PCDHA10: variants seen among roughly 807,000 people sequenced by gnomAD.
PCDHA10 encodes the protein protocadherin alpha-10.
A neutral mutation model predicts 61.2 loss-of-function variants in PCDHA10; 45 were observed. The ratio of observed to expected loss-of-function variants is 0.74; its 90% CI spans 0.58 to 0.94. PCDHA10 has a LOEUF of 0.94. Ranked by LOEUF, PCDHA10 falls within the 40% of genes least tolerant of loss-of-function variation. PCDHA10 has a pLI of 0.00. For missense variants in PCDHA10, 1,278 were observed against 1,236.2 expected, an observed-to-expected ratio of 1.03 and a Z score of -0.51; for synonymous variants, 602 against 548.8, an observed-to-expected ratio of 1.10 and a Z score of -1.35.
intron 1 of PCDHA10, among the ~76,000 whole-genome samples, chr5:140,966,026 G>C (rs1586101729): frequency 6.6e-6 from 1 of 152,290 alleles, no homozygotes; most frequent in Non-Finnish European, 1.5e-5. Context: ...TGGGAGTCAG[G>C]TGAATAGTTC....
chr5:140,889,037 A>G (rs2062077417), intron 1 of PCDHA10, among the ~76,000 whole-genome samples: 1 of 151,994 alleles, frequency 6.6e-6, no homozygotes, highest in Non-Finnish European at 1.5e-5. Context: ...CCGTAATTTG[A>G]TTATAATTTA....
At chr5:140,968,245 C>T (rs2096233117) in intron 1 of PCDHA10, 2 of 1,614,038 alleles carry the variant, frequency 1.2e-6, no homozygotes, top group Non-Finnish European at 1.7e-6. Flanking sequence ...CTGTGCAAGC[C>T]ACAGACCCAG....
chr5:140,862,550 G>A, intron 1 of PCDHA10: 2 of 458,460 alleles, frequency 4.4e-6, no homozygotes, highest in Admixed American at 2.4e-5. Flanking sequence ...GGAAGTGGCC[G>A]AACAGTGAAC....
chr5:140,926,665 G>C, intron 1 of PCDHA10: 1 of 538,906 alleles, frequency 1.9e-6, no homozygotes, highest in Non-Finnish European at 2.9e-6. Context: ...TTTCCCAGAC[G>C]GCTGCCCAGC....
chr5:140,917,724 G>C (rs2078325058), intron 1 of PCDHA10, among the ~76,000 whole-genome samples: 1 of 152,080 alleles, frequency 6.6e-6, no homozygotes, highest in East Asian at 1.9e-4. Flanking sequence ...CTTTATTTCT[G>C]GGTTCTCTAA....
chr5:140,896,053 C>T (rs371706160), intron 1 of PCDHA10, among the ~76,000 whole-genome samples: 8 of 152,164 alleles, frequency 5.3e-5, no homozygotes, highest in Non-Finnish European at 1.2e-4. Context: ...TCAGGTGATC[C>T]GCCTGCCTCG....
Position 140,982,524 on chromosome 5 carries a change from C to T in PCDHA10, c.2497C>T (p.Pro833Ser). ...CATTCTACGGGCTGGTCCAGGAGGG[C>T]CTGATCAGCAGTGGCCAACAGTATC... ...AGILRAGPGG[P>S]DQQWPTVSSA... Residue 833 changes from proline to serine, a missense_variant, in exon 3 of 4, where the codon CCT (proline) becomes TCT (serine). Transcript: ENST00000307360. The T allele has an allele frequency of 6.2e-7, 1 of 1,614,170 alleles. No homozygotes were observed. Among genetic ancestry groups the T allele is most frequent in the Non-Finnish European group, 8.5e-7 (1 of 1,180,030 alleles).
intron 1 of PCDHA10, chr5:140,882,431 G>A (rs374040153): frequency 1.2e-6 from 2 of 1,614,044 alleles, no homozygotes; most frequent in Non-Finnish European, 8.5e-7. Flanking sequence ...CCTGGGGCTG[G>A]AGCTGGCGGA....
rs781906273 is a variant in PCDHA10, at chr5:140,869,410, A to G, written c.2388+10974A>G. The G allele has an allele frequency of 3.7e-6, 6 of 1,614,082 alleles. No individual in the cohort carries two copies. The East Asian group carries it at 1.1e-4, about 30-fold the overall frequency. ...GCTGTGCGGGCAGAGCGCGGAGTGCAGCATCCACCTGGAGGTGATCGTGGA... is the reference window on the plus strand; with the variant it reads ...GCTGTGCGGGCAGAGCGCGGAGTGCGGCATCCACCTGGAGGTGATCGTGGA... On this transcript the variant is annotated intron_variant, in intron 1 of 3. Transcript: ENST00000307360.
intron 3 of PCDHA10, among the ~76,000 whole-genome samples, chr5:141,006,369 G>A (rs2098270445): frequency 1.3e-5 from 2 of 151,784 alleles, no homozygotes; most frequent in Admixed American, 6.6e-5. Context: ...CCACCACCAC[G>A]CCCGGCTAAG....
intron 1 of PCDHA10, among the ~76,000 whole-genome samples, chr5:140,937,783 G>A (rs1554211789): frequency 6.7e-6 from 1 of 150,256 alleles, no homozygotes; most frequent in African/African-American, 2.5e-5. Context: ...GTGGTGGCGG[G>A]CGTATGTAGT....
At chr5:140,921,366 A>C (rs1415562044) in intron 1 of PCDHA10, among the ~76,000 whole-genome samples, 1 of 152,140 alleles carries the variant, frequency 6.6e-6, no homozygotes, top group African/African-American at 2.4e-5. Flanking sequence ...TTCAAGTTTC[A>C]TATTTCTACA....
rs782564746 is a variant in PCDHA10 at position 140,871,379 on chromosome 5, C to T, written c.2388+12943C>T. 2.2e-5 allele frequency: 36 copies of T among 1,614,072 alleles called. No homozygotes were observed. Among genetic ancestry groups the T allele is most frequent in the Non-Finnish European group, 2.8e-5 (33 of 1,180,034 alleles). On this transcript the variant is annotated intron_variant, in intron 1 of 3. Transcript: ENST00000307360. ...CAGCAGAGGCGGCAGAGGGTGTGCT[C>T]TGAGGAGGGCCCACCTAAGACGGAC...
chr5:140,994,149 G>A (rs1299780463), intron 3 of PCDHA10, among the ~76,000 whole-genome samples: 2 of 152,174 alleles, frequency 1.3e-5, no homozygotes, highest in Non-Finnish European at 2.9e-5. Context: ...TACGTAGGTA[G>A]GGTCAACGAA....
chr5:140,921,406 C>T (rs1436249655), intron 1 of PCDHA10, among the ~76,000 whole-genome samples: 8 of 152,092 alleles, frequency 5.3e-5, no homozygotes, highest in African/African-American at 1.9e-4. Flanking sequence ...CTAGATTTTC[C>T]TCTGTGCTGC....
At chr5:140,887,473 G>T (rs574265811) in intron 1 of PCDHA10, among the ~76,000 whole-genome samples, 10 of 152,222 alleles carry the variant, frequency 6.6e-5, no homozygotes, top group African/African-American at 2.4e-4. Flanking sequence ...TAATTCAGTT[G>T]TCTTCTGGCT....
intron 1 of PCDHA10, chr5:140,866,107 G>T (rs2049153150): frequency 6.6e-6 from 1 of 152,146 alleles, no homozygotes; most frequent in African/African-American, 2.4e-5. Flanking sequence ...GTAATTAAGA[G>T]TTGCCTTATA....
intron 1 of PCDHA10, among the ~76,000 whole-genome samples, chr5:140,964,979 G>A (rs1325298604): frequency 1.3e-5 from 2 of 152,204 alleles, no homozygotes; most frequent in African/African-American, 4.8e-5. Flanking sequence ...GGATGTGCTA[G>A]TTCAGGCCTT....
At chr5:140,987,982 C>T (rs781838400) in intron 3 of PCDHA10, among the ~76,000 whole-genome samples, 16 of 152,206 alleles carry the variant, frequency 1.1e-4, no homozygotes, top group Non-Finnish European at 1.5e-4. Flanking sequence ...TCCATGGAGA[C>T]TCCATCTCTG....
Sources: allele counts gnomAD v4.1 joint callset (sites outside exome capture counted in the v4.1 genomes callset), GRCh38; gene constraint gnomAD v4.1.1; transcripts MANE v1.5; gene names NCBI Gene and HGNC (gene_info 2026-07-23, HGNC 2026-07-21).